REV3L: variants seen among roughly 807,000 people sequenced by gnomAD.
REV3L encodes REV3 like, DNA directed polymerase zeta catalytic subunit, also known as DNA polymerase zeta catalytic subunit.
REV3L carries 69 observed loss-of-function variants against 299.4 expected under a neutral mutation model. The ratio of observed to expected loss-of-function variants is 0.23; its 90% CI spans 0.19 to 0.28. REV3L has a LOEUF of 0.28. REV3L is among the 10% of genes least tolerant of loss of function. The pLI, the probability that REV3L is intolerant of heterozygous loss-of-function variation, is 1.00. For synonymous variants in REV3L, 1,238 were observed against 1,271.4 expected, an observed-to-expected ratio of 0.97 and a Z score of 0.56; for missense variants, 3,128 against 3,693.8, an observed-to-expected ratio of 0.85 and a Z score of 3.97.
intron 1 of REV3L, among the ~76,000 whole-genome samples, chr6:111,440,085 C>T (rs562651936): frequency 5.3e-5 from 8 of 151,076 alleles, no homozygotes; most frequent in Non-Finnish European, 8.9e-5. Flanking sequence ...TTTTTTGAGA[C>T]GGAGGAGTTT....
intron 25 of REV3L, among the ~76,000 whole-genome samples, chr6:111,324,654 C>T (rs949218219): frequency 1.6e-4 from 25 of 152,278 alleles, no homozygotes; most frequent in African/African-American, 3.1e-4. Flanking sequence ...GCAGTTACCC[C>T]TGAAGACCAC....
intron 1 of REV3L, among the ~76,000 whole-genome samples, chr6:111,462,996 G>A (rs187883843): frequency 1.6e-3 from 245 of 152,126 alleles, no homozygotes; most frequent in African/African-American, 5.5e-3. Flanking sequence ...GGCAGATCAA[G>A]TGTAAGAGAA....
chr6:111,462,711 G>C (rs559100579), intron 1 of REV3L, among the ~76,000 whole-genome samples: 1 of 152,290 alleles, frequency 6.6e-6, no homozygotes, highest in Non-Finnish European at 1.5e-5. Flanking sequence ...TGGGAGTATA[G>C]ATTGGTATGA....
At chr6:111,424,668 A>G (rs1785956996) in intron 1 of REV3L, among the ~76,000 whole-genome samples, 1 of 152,216 alleles carries the variant, frequency 6.6e-6, no homozygotes, top group African/African-American at 2.4e-5. Flanking sequence ...GAGCTCCTCC[A>G]AAGCCCTACC....
intron 18 of REV3L, chr6:111,354,098 G>T (rs933176703): frequency 6.6e-6 from 1 of 152,268 alleles, no homozygotes; most frequent in Non-Finnish European, 1.5e-5. Flanking sequence ...GAATCGGGAA[G>T]ATTCCTGGAG....
intron 2 of REV3L, among the ~76,000 whole-genome samples, chr6:111,412,917 A>G (rs1367955590): frequency 6.6e-6 from 1 of 152,126 alleles, no homozygotes; most frequent in Non-Finnish European, 1.5e-5. Flanking sequence ...TCAAGTGGAA[A>G]GCTCCGCTCT....
chr6:111,342,223 C>G (rs1776562654), intron 21 of REV3L, among the ~76,000 whole-genome samples: 1 of 152,064 alleles, frequency 6.6e-6, no homozygotes, highest in Non-Finnish European at 1.5e-5. Context: ...GGCAAAGGAA[C>G]AGTATCACTG....
rs1439718252 is a variant in REV3L at position 111,483,019 on chromosome 6, G to A, written c.-131C>T. On this transcript the variant is annotated 5_prime_UTR_variant, in exon 1 of 32. Coordinates refer to ENST00000368802, the MANE Select transcript of REV3L (RefSeq NM_001372078.1). ...GCACGGCCCCCTCCCCTCACACAGA[G>A]GCACCTCGAGGAGCGGCGGGCGGGG... 3.6e-6 allele frequency: 4 copies of A among 1,126,682 alleles called. No individual in the cohort carries two copies. The highest frequency in any genetic ancestry group is 1.6e-5 in the African/African-American group (1 of 60,942). 69.8% of individuals were successfully genotyped at this position (1,126,682 alleles called of 1,614,324 possible). A position where few individuals can be genotyped will look rare whatever the true frequency, so the allele number is the denominator to read the frequency against.
intron 2 of REV3L, among the ~76,000 whole-genome samples, chr6:111,413,101 T>A (rs951281886): frequency 2.0e-5 from 3 of 152,152 alleles, no homozygotes; most frequent in African/African-American, 7.2e-5. Flanking sequence ...CCATGAAGAA[T>A]TGGTTAAAGA....
chr6:111,371,913 A>T (rs1171162898), intron 13 of REV3L, among the ~76,000 whole-genome samples: 4 of 151,996 alleles, frequency 2.6e-5, no homozygotes, highest in Admixed American at 2.0e-4. Flanking sequence ...GCTGGTCGCA[A>T]ACTCCTGGGC....
intron 9 of REV3L, among the ~76,000 whole-genome samples, chr6:111,382,921 T>G (rs1252668381): frequency 1.3e-5 from 2 of 152,042 alleles, no homozygotes; most frequent in Admixed American, 6.6e-5. Context: ...TCAGCCACAG[T>G]AGAGGAGGTA....
In REV3L at chr6:111,310,066, A is replaced by C. The variant is rs1361238916; in HGVS notation, c.8829T>G (p.Pro2943=). ...KMLTYDRRSE[P]QVGERVPYVI... ...CGTATGGCACTCGCTCCCCAACCTGAGGCTCAGAGCGCCGGTCATAAGTCA... is the reference window on the plus strand; with the variant it reads ...CGTATGGCACTCGCTCCCCAACCTGCGGCTCAGAGCGCCGGTCATAAGTCA... Residue 2943 remains proline, a synonymous_variant, in exon 30 of 32, where the codon CCT becomes CCG. Coordinates refer to ENST00000368802, the MANE Select transcript of REV3L (RefSeq NM_001372078.1). The C allele has an allele frequency of 1.3e-6, 2 of 1,592,736 alleles. No individual in the cohort carries two copies. The highest frequency in any genetic ancestry group is 1.7e-6 in the Non-Finnish European group (2 of 1,168,608).
intron 21 of REV3L, 22 bp downstream of exon 21, chr6:111,343,903 C>T: frequency 7.2e-7 from 1 of 1,395,222 alleles, no homozygotes; most frequent in Non-Finnish European, 9.9e-7. Context: ...ATATTACCTT[C>T]TTCAGAGTTA....
chr6:111,443,863 C>A (rs948818582), intron 1 of REV3L, among the ~76,000 whole-genome samples: 6 of 152,178 alleles, frequency 3.9e-5, no homozygotes, highest in Admixed American at 2.6e-4. Context: ...AGATGCTATC[C>A]TTTAGTCTGA....
At chr6:111,455,397 A>C (rs1790052881) in intron 1 of REV3L, among the ~76,000 whole-genome samples, 1 of 152,204 alleles carries the variant, frequency 6.6e-6, no homozygotes, top group Non-Finnish European at 1.5e-5. Flanking sequence ...GAGCAAGAGC[A>C]AGCAGTTCAG....
intron 1 of REV3L, among the ~76,000 whole-genome samples, chr6:111,462,149 T>G (rs1263842500): frequency 6.6e-6 from 1 of 152,140 alleles, no homozygotes; most frequent in Non-Finnish European, 1.5e-5. Context: ...GTAGCTGCCT[T>G]TGAACCTACT....
At chr6:111,444,938 T>C (rs935494607) in intron 1 of REV3L, among the ~76,000 whole-genome samples, 1 of 152,218 alleles carries the variant, frequency 6.6e-6, no homozygotes. Flanking sequence ...CCCAGAAGTA[T>C]AGTGGCCAAA....
chr6:111,458,524 C>T (rs1562343133), intron 1 of REV3L, among the ~76,000 whole-genome samples: 1 of 151,934 alleles, frequency 6.6e-6, no homozygotes, highest in African/African-American at 2.4e-5. Flanking sequence ...GATTCTATAC[C>T]AGAAAACTCC....
In REV3L at chr6:111,387,767, T is replaced by C. The variant is rs757829985; in HGVS notation, c.1094A>G (p.Lys365Arg). Residue 365 changes from lysine (K) to arginine (R), a missense_variant and splice_region_variant, in exon 9 of 32, where the codon AAA (lysine) becomes AGA (arginine). By Grantham distance (26) the Lys-to-Arg change is conservative (BLOSUM62 2). Transcript: ENST00000368802. ...VEVHKDKESSKGHTRHKVEEA... is the reference protein window; with the variant it reads ...VEVHKDKESSRGHTRHKVEEA... ...TATACATGAAAAGAAAATCTTACCTTTGCTTGACTCTTTGTCTTTGTGAAC... is the reference window on the plus strand; with the variant it reads ...TATACATGAAAAGAAAATCTTACCTCTGCTTGACTCTTTGTCTTTGTGAAC... 1.2e-6 allele frequency: 2 copies of C among 1,613,764 alleles called. No homozygotes were observed.
Sources: gnomAD v4.1 joint callset for allele counts (sites outside exome capture counted in the v4.1 genomes callset) on GRCh38, gnomAD v4.1.1 for gene constraint, MANE v1.5 for transcripts, NCBI Gene and HGNC (gene_info 2026-07-23, HGNC 2026-07-21) for gene names.